The following ZNF804A variants were observed in gnomAD, a reference collection of about 807,000 sequenced individuals.
The protein encoded by ZNF804A is zinc finger protein 804A.
A neutral mutation model predicts 16.5 loss-of-function variants in ZNF804A; 2 were observed. The observed-to-expected ratio is 0.12, with a 90% CI of 0.05 to 0.38. The LOEUF (loss-of-function observed/expected upper bound fraction) is 0.38, where lower values mean the gene tolerates loss of function less well. Ranked by LOEUF, ZNF804A falls within the 10% of genes least tolerant of loss-of-function variation. The probability of loss-of-function intolerance (pLI) is 0.99; values close to 1 mark genes in which losing one functional copy is unlikely to be tolerated. For synonymous variants in ZNF804A, 534 were observed against 489.6 expected (o/e 1.09, Z -1.20); for missense variants, 1,473 against 1,390.7 (o/e 1.06, Z -0.94).
chr2:184,813,598 T>C (rs909894698), intron 1 of ZNF804A, among the ~76,000 whole-genome samples: 2 of 152,118 alleles, frequency 1.3e-5, no homozygotes, highest in Non-Finnish European at 2.9e-5. Flanking sequence ...TCTATTCTAA[T>C]TGAATAGAAA....
At chr2:184,733,547 G>C (rs968042595) in intron 1 of ZNF804A, among the ~76,000 whole-genome samples, 1 of 152,096 alleles carries the variant, frequency 6.6e-6, no homozygotes, top group Admixed American at 6.6e-5. Flanking sequence ...ATGGCTTAGG[G>C]AAACTTCCTT....
At chr2:184,713,720 G>A (rs568189855) in intron 1 of ZNF804A, among the ~76,000 whole-genome samples, 11 of 151,996 alleles carry the variant, frequency 7.2e-5, no homozygotes, top group South Asian at 4.1e-4. Flanking sequence ...TATTAACAAC[G>A]CATTTGTTTC....
intron 2 of ZNF804A, among the ~76,000 whole-genome samples, chr2:184,925,322 A>T (rs1469985704): frequency 6.6e-6 from 1 of 151,880 alleles, no homozygotes; most frequent in Non-Finnish European, 1.5e-5. Flanking sequence ...GTTGTCATCG[A>T]ATCTGTTTAT....
chr2:184,726,298 A>G (rs955778808), intron 1 of ZNF804A, among the ~76,000 whole-genome samples: 1 of 151,530 alleles, frequency 6.6e-6, no homozygotes, highest in African/African-American at 2.4e-5. Flanking sequence ...TATTGTCACC[A>G]TTGTTTGTTT....
At chr2:184,707,734 A>C (rs1693054153) in intron 1 of ZNF804A, among the ~76,000 whole-genome samples, 1 of 152,124 alleles carries the variant, frequency 6.6e-6, no homozygotes, top group South Asian at 2.1e-4. Context: ...TATTGTGAAC[A>C]GTGTTGCATT....
chr2:184,856,429 T>A (rs72905773), intron 1 of ZNF804A, among the ~76,000 whole-genome samples: 1,581 of 152,258 alleles, frequency 0.01, 17 homozygotes, highest in Non-Finnish European at 0.019. Flanking sequence ...TGCTGTTTTT[T>A]AGTGTTGTTG....
intron 1 of ZNF804A, among the ~76,000 whole-genome samples, chr2:184,816,516 T>A (rs561857992): frequency 3.2e-4 from 48 of 152,110 alleles, no homozygotes; most frequent in African/African-American, 7.9e-4. Context: ...CCTTTCTGGG[T>A]ATTTATTTTT....
intron 1 of ZNF804A, among the ~76,000 whole-genome samples, chr2:184,644,689 C>A (rs1168257248): frequency 6.6e-6 from 1 of 151,900 alleles, no homozygotes; most frequent in Non-Finnish European, 1.5e-5. Context: ...CTTTCAAATT[C>A]TATGAAAGCA....
intron 1 of ZNF804A, among the ~76,000 whole-genome samples, chr2:184,608,582 G>A (rs1691187729): frequency 6.6e-6 from 1 of 152,172 alleles, no homozygotes; most frequent in Admixed American, 6.5e-5. Context: ...CAGTCATAGA[G>A]TGACCTTGTC....
chr2:184,737,367 C>G (rs1693642880), intron 1 of ZNF804A, among the ~76,000 whole-genome samples: 1 of 151,926 alleles, frequency 6.6e-6, no homozygotes, highest in African/African-American at 2.4e-5. Context: ...GGCTTTACTA[C>G]TCCTTTTTAA....
At chr2:184,794,043 T>C (rs1694592660) in intron 1 of ZNF804A, among the ~76,000 whole-genome samples, 1 of 152,150 alleles carries the variant, frequency 6.6e-6, no homozygotes, top group Admixed American at 6.6e-5. Flanking sequence ...TGTGTGCAAG[T>C]ATCTTTTTAA....
intron 1 of ZNF804A, among the ~76,000 whole-genome samples, chr2:184,777,345 G>A (rs937217954): frequency 1.3e-5 from 2 of 151,532 alleles, no homozygotes; most frequent in African/African-American, 4.8e-5. Flanking sequence ...GCAAGTCTAC[G>A]TGTTTCTAAA....
chr2:184,707,367 A>G (rs1418517925), intron 1 of ZNF804A, among the ~76,000 whole-genome samples: 2 of 152,116 alleles, frequency 1.3e-5, no homozygotes, highest in Admixed American at 1.3e-4. Context: ...TGTGATGCTG[A>G]GGTTTGGGAT....
chr2:184,807,503 A>G (rs1305041057), intron 1 of ZNF804A, among the ~76,000 whole-genome samples: 1 of 151,848 alleles, frequency 6.6e-6, no homozygotes, highest in Non-Finnish European at 1.5e-5. Context: ...GAATAAATGA[A>G]GGCTGGTTGT....
intron 1 of ZNF804A, among the ~76,000 whole-genome samples, chr2:184,711,149 C>T (rs1267873111): frequency 6.6e-6 from 1 of 151,750 alleles, no homozygotes; most frequent in Non-Finnish European, 1.5e-5. Context: ...AATTTCTCCA[C>T]ATTATCACCA....
chr2:184,775,743 T>C (rs1694276056), intron 1 of ZNF804A, among the ~76,000 whole-genome samples: 1 of 151,674 alleles, frequency 6.6e-6, no homozygotes, highest in African/African-American at 2.4e-5. Flanking sequence ...AAAGGATTTG[T>C]ACTGCTCAAG....
At chr2:184,646,774 C>T (rs963367664) in intron 1 of ZNF804A, among the ~76,000 whole-genome samples, 5 of 152,246 alleles carry the variant, frequency 3.3e-5, no homozygotes, top group Admixed American at 1.3e-4. Context: ...TTCTCACCTC[C>T]GTGCCTAGGC....
chr2:184,676,311 T>C (rs1419347088), intron 1 of ZNF804A, among the ~76,000 whole-genome samples: 1 of 151,186 alleles, frequency 6.6e-6, no homozygotes, highest in African/African-American at 2.4e-5. Flanking sequence ...TTTTTCCAAA[T>C]CTTAAAAGTC....
chr2:184,736,319 A>G (rs1370182844), intron 1 of ZNF804A, among the ~76,000 whole-genome samples: 1 of 152,162 alleles, frequency 6.6e-6, no homozygotes, highest in African/African-American at 2.4e-5. Context: ...GCTCTCTTTG[A>G]TATTTAAATG....
Sources: gnomAD v4.1 joint callset for allele counts (sites outside exome capture counted in the v4.1 genomes callset) on GRCh38, gnomAD v4.1.1 for gene constraint, MANE v1.5 for transcripts, NCBI Gene and HGNC (gene_info 2026-07-23, HGNC 2026-07-21) for gene names.